The following MLXIPL variants were observed in gnomAD, a reference collection of about 807,000 sequenced individuals.
The protein encoded by MLXIPL is MLX interacting protein like.
In MLXIPL, 49 loss-of-function variants were observed where a neutral mutation model predicts 81.5. That is an observed-to-expected ratio of 0.60 (90% CI 0.48 to 0.76). The LOEUF is 0.76. MLXIPL is among the 30% of genes least tolerant of loss of function. The probability of loss-of-function intolerance (pLI) is 0.00; values close to 1 mark genes in which losing one functional copy is unlikely to be tolerated. For synonymous variants in MLXIPL, 466 were observed against 485.5 expected (o/e 0.96, Z 0.53); for missense variants, 1,053 against 1,167.0 (o/e 0.90, Z 1.42).
In MLXIPL at chr7:73,607,637, C is replaced by T. The variant is rs1554598745; in HGVS notation, c.436G>A (p.Val146Met). The T allele has an allele frequency of 3.1e-6, 5 of 1,613,356 alleles. No individual in the cohort carries two copies. The highest frequency in any genetic ancestry group is 3.3e-5 in the Admixed American group (2 of 59,994). ...GCCTCAGGCCCCTGCAGGGGGGTCA[C>T]GAAGCCACACACGGGGCTCTTCCTC... ...KRRKSPVCGF[V>M]TPLQGPEADA... The change falls in exon 3 of 17, where the codon GTG (valine) becomes ATG (methionine). Residue 146 changes from valine to methionine, a missense_variant. By Grantham distance (21) the Val-to-Met change is conservative. Around this residue, in one of 3 missense-constraint regions of MLXIPL, gnomAD observed 226 missense variants for 216.2 expected, o/e 1.05. Transcript: ENST00000313375.
intron 1 of MLXIPL, among the ~76,000 whole-genome samples, chr7:73,619,449 C>T (rs544692512): frequency 1.1e-4 from 14 of 132,438 alleles, no homozygotes; most frequent in African/African-American, 3.1e-4. Flanking sequence ...CGACAGAGAG[C>T]GACTCCATCT....
At chr7:73,636,790 G>A in the MLXIPL span, among the ~76,000 whole-genome samples, 2 of 152,136 alleles carry the variant, frequency 1.3e-5, no homozygotes, top group Non-Finnish European at 2.9e-5. Flanking sequence ...GGTTGGGCAC[G>A]GTGGCTCACG....
intron 2 of MLXIPL, among the ~76,000 whole-genome samples, chr7:73,615,648 C>A (rs565147422): frequency 4.7e-4 from 71 of 152,170 alleles, no homozygotes; most frequent in African/African-American, 1.7e-3. Context: ...GGCGTGGTGG[C>A]TCACGCCTGT....
the MLXIPL span, among the ~76,000 whole-genome samples, chr7:73,632,561 T>G: frequency 6.6e-6 from 1 of 152,178 alleles, no homozygotes; most frequent in Admixed American, 6.6e-5. Context: ...GATGTCCTAG[T>G]GCAGATCCAG....
chr7:73,629,330 G>A (rs1285633788), upstream of MLXIPL, among the ~76,000 whole-genome samples: 1 of 151,934 alleles, frequency 6.6e-6, no homozygotes, highest in Non-Finnish European at 1.5e-5. Flanking sequence ...GTGAGGCACC[G>A]TGCCTGGCCG....
At chr7:73,632,229 T>G in the MLXIPL span, among the ~76,000 whole-genome samples, 1 of 151,980 alleles carries the variant, frequency 6.6e-6, no homozygotes, top group Non-Finnish European at 1.5e-5. Context: ...CTTGAACTCC[T>G]GGGCTCAAGT....
intron 7 of MLXIPL, among the ~76,000 whole-genome samples, chr7:73,604,027 C>A (rs1263887994): frequency 1.3e-5 from 2 of 149,012 alleles, no homozygotes; most frequent in Non-Finnish European, 3.0e-5. Flanking sequence ...ACCAGCCTGG[C>A]CAACATGGCA....
chr7:73,624,289 C>T lies in MLXIPL; in HGVS notation c.204G>A (p.Gln68=), dbSNP rs782050362. The change falls in exon 1 of 17, where the codon CAG becomes CAA. Residue 68 remains glutamine (Q), a synonymous_variant. Transcript: ENST00000313375. ...HSDSLPRRRD[Q]EGSVGPSDFG... ...AGTCGGAGGGCCCCACGGACCCCTC[C>T]TGGTCGCGCCGCCGGGGCAGCGAGT... is the stretch of plus-strand genomic sequence containing the variant. 1.3e-6 allele frequency: 2 copies of T among 1,586,860 alleles called. No homozygotes were observed. Among genetic ancestry groups the T allele is most frequent in the Admixed American group, 1.8e-5 (1 of 55,844 alleles).
intron 1 of MLXIPL, among the ~76,000 whole-genome samples, chr7:73,619,932 AAAAC>A (rs1213820246): frequency 1.3e-5 from 2 of 151,976 alleles, no homozygotes; most frequent in Admixed American, 6.6e-5. Context: ...TCCGTCTCAA[AAAAC>A]AAACAAACAA....
the MLXIPL span, among the ~76,000 whole-genome samples, chr7:73,642,875 G>A: frequency 6.6e-6 from 1 of 152,218 alleles, no homozygotes; most frequent in African/African-American, 2.4e-5. Context: ...CCCAAGTTTG[G>A]GGAGGCAGGG....
chr7:73,624,560 G>A (rs1796607216), upstream of MLXIPL: 1 of 1,457,726 alleles, frequency 6.9e-7, no homozygotes, highest in East Asian at 2.7e-5. Context: ...TGGCCAGCCG[G>A]GCCTCATTAA....
the MLXIPL span, among the ~76,000 whole-genome samples, chr7:73,630,957 C>T: frequency 6.6e-6 from 1 of 152,084 alleles, no homozygotes; most frequent in South Asian, 2.1e-4. Context: ...GCCCCGGATG[C>T]CTATCAACAG....
chr7:73,632,579 C>G, the MLXIPL span, among the ~76,000 whole-genome samples: 25 of 152,244 alleles, frequency 1.6e-4, no homozygotes, highest in South Asian at 2.7e-3. Flanking sequence ...CAGGGCCCAG[C>G]CCTGTTCCCC....
At chr7:73,625,132 G>A (rs946236424), upstream of MLXIPL, among the ~76,000 whole-genome samples, 1 of 152,002 alleles carries the variant, frequency 6.6e-6, no homozygotes, top group Admixed American at 6.6e-5. Flanking sequence ...TGCAGTGAGC[G>A]GAGATCGCGC....
intron 8 of MLXIPL, among the ~76,000 whole-genome samples, chr7:73,598,337 T>C (rs1471233998): frequency 6.6e-6 from 1 of 152,078 alleles, no homozygotes; most frequent in Non-Finnish European, 1.5e-5. Context: ...CAACCATCTA[T>C]ACTTCCATCA....
the MLXIPL span, among the ~76,000 whole-genome samples, chr7:73,644,553 G>C: frequency 6.6e-6 from 1 of 152,176 alleles, no homozygotes; most frequent in African/African-American, 2.4e-5. Context: ...TGATGTTATT[G>C]TGCAGTTGTT....
rs1794353088 is a variant in MLXIPL at position 73,596,753 on chromosome 7, G to A, written c.1708C>T (p.Pro570Ser). The A allele has an allele frequency of 6.3e-7, 1 of 1,599,946 alleles. No homozygotes were observed. The highest frequency in any genetic ancestry group is 1.7e-5 in the Admixed American group (1 of 57,994). The change falls in exon 11 of 17, where the codon CCC (proline) becomes TCC (serine). Residue 570 changes from proline (P) to serine (S), a missense_variant. Pro to Ser is a moderately conservative substitution (Grantham distance 74). Around this residue, in one of 3 missense-constraint regions of MLXIPL, gnomAD observed 823 missense variants for 933.0 expected, o/e 0.88. Coordinates refer to ENST00000313375, the MANE Select transcript of MLXIPL (RefSeq NM_032951.3). This position sits in a 1 kb window ranked among gnomAD's most constrained non-coding sequence, Gnocchi z 4.7. ...TVPEFPCTFLPPTPAPTPPRP... is the reference protein window; with the variant it reads ...TVPEFPCTFLSPTPAPTPPRP... ...GGCGGTGTAGGGGCCGGGGTCGGGG[G>A]AAGGAATGTGCAGGGGAATTCAGGG...
At chr7:73,598,330 C>A (rs1794517586) in intron 8 of MLXIPL, among the ~76,000 whole-genome samples, 1 of 152,140 alleles carries the variant, frequency 6.6e-6, no homozygotes, top group South Asian at 2.1e-4. Flanking sequence ...ATCCATCCAA[C>A]CATCTATACT....
At chr7:73,620,548 G>A (rs1796279450) in intron 1 of MLXIPL, among the ~76,000 whole-genome samples, 1 of 148,792 alleles carries the variant, frequency 6.7e-6, no homozygotes, top group African/African-American at 2.5e-5. Flanking sequence ...AGACCAGCCT[G>A]GCCAACATGG....
Sources: gnomAD v4.1 joint callset for allele counts (sites outside exome capture counted in the v4.1 genomes callset) on GRCh38, gnomAD v4.1.1 for gene constraint, gnomAD v4.1.1 regional missense constraint, Gnocchi (gnomAD v3.1) non-coding constraint, MANE v1.5 for transcripts, NCBI Gene and HGNC (gene_info 2026-07-23, HGNC 2026-07-21) for gene names.